AGO2: variants seen among roughly 807,000 people sequenced by gnomAD.
AGO2 encodes protein argonaute-2.
Under a neutral mutation model 102.3 loss-of-function variants are expected in AGO2, and 5 were observed. The observed-to-expected ratio is 0.05, with a 90% CI of 0.03 to 0.10. The LOEUF (loss-of-function observed/expected upper bound fraction) is 0.10. Among genes scored for constraint, AGO2 ranks in the 10% least tolerant of loss-of-function variants. The pLI is 1.00. For synonymous variants in AGO2, 449 were observed against 473.1 expected (o/e 0.95, Z 0.66); for missense variants, 541 against 1,183.7 (o/e 0.46, Z 7.97).
chr8:140,639,559 G>A (rs2074429368), upstream of AGO2, among the ~76,000 whole-genome samples: 1 of 151,476 alleles, frequency 6.6e-6, no homozygotes, highest in South Asian at 2.1e-4. Context: ...CAAGGTGAGA[G>A]GATTGCTTGA....
At chr8:140,597,859 G>A (rs2073870974) in intron 1 of AGO2, among the ~76,000 whole-genome samples, 1 of 152,186 alleles carries the variant, frequency 6.6e-6, no homozygotes, top group Non-Finnish European at 1.5e-5. Flanking sequence ...CTGCTGAAAC[G>A]CACACGCCTG....
At chr8:140,618,694 G>A (rs563313974) in intron 1 of AGO2, among the ~76,000 whole-genome samples, 33 of 151,638 alleles carry the variant, frequency 2.2e-4, no homozygotes, top group Admixed American at 3.9e-4. Flanking sequence ...CCAGGGTGGC[G>A]GGGTGCACCT....
At chr8:140,597,187 G>A (rs781489722) in intron 1 of AGO2, among the ~76,000 whole-genome samples, 2 of 152,208 alleles carry the variant, frequency 1.3e-5, no homozygotes, top group Non-Finnish European at 2.9e-5. Flanking sequence ...TGGCAGGGAC[G>A]TTCCCTCCCT....
At chr8:140,628,682 T>C (rs886086492) in intron 1 of AGO2, among the ~76,000 whole-genome samples, 1 of 151,802 alleles carries the variant, frequency 6.6e-6, no homozygotes, top group Non-Finnish European at 1.5e-5. Flanking sequence ...GGTGGGAGGT[T>C]TGAACCCGTG....
rs748914556 is a variant in AGO2, at chr8:140,572,803, C to T, written c.336+9G>A. On this transcript the variant is annotated intron_variant, in intron 3 of 18. Transcript: ENST00000220592. ...TGTTACTCCACCAAGGGCATCCCGG[C>T]GAGCTTACCTTGTCCCTCCCAATCG... 5.0e-6 allele frequency: 8 copies of T among 1,607,656 alleles called. No homozygotes were observed. The highest frequency in any genetic ancestry group is 1.3e-5 in the African/African-American group (1 of 74,574).
rs1306535658 is a variant in AGO2, at chr8:140,539,717, C to G, written c.2035-263G>C. Reference sequence around the variant, plus strand: ...CAGGAGGTTGTGTGTGTGCAAGGGGCGCAGCCAACGCCAGGGATGCAGGCT... The same window carrying G: ...CAGGAGGTTGTGTGTGTGCAAGGGGGGCAGCCAACGCCAGGGATGCAGGCT... On this transcript the variant is annotated intron_variant, in intron 15 of 18. Transcript: ENST00000220592. The surrounding 1 kb of genome is among the most constrained non-coding windows in gnomAD (Gnocchi z 4.7). Among the ~76,000 whole-genome samples, 1 of 152,304 alleles carries G rather than the reference C, an allele frequency of 6.6e-6. No individual in the cohort carries two copies. The highest frequency in any genetic ancestry group is 1.9e-4 in the East Asian group (1 of 5,184).
chr8:140,612,220 C>CAAA (rs542472147), intron 1 of AGO2, among the ~76,000 whole-genome samples: 6 of 95,978 alleles, frequency 6.3e-5, no homozygotes, highest in Admixed American at 2.2e-4. Context: ...GACTCTGTCT[C>CAAA]AAAAAAAAAA....
chr8:140,532,629 G>C lies in AGO2; in HGVS notation c.2272-14C>G. 1 of 1,613,316 alleles carries C rather than the reference G, an allele frequency of 6.2e-7. No homozygotes were observed. Among genetic ancestry groups the C allele is most frequent in the Non-Finnish European group, 8.5e-7 (1 of 1,179,346 alleles). On this transcript the variant is annotated splice_polypyrimidine_tract_variant and intron_variant, in intron 17 of 18. Coordinates refer to ENST00000220592, the MANE Select transcript of AGO2 (RefSeq NM_012154.5). ...CCTGCTTGTCCCCTAAAGCAGATCA[G>C]AAGATTAGACAGTTGGACTCGCATA...
upstream of AGO2, among the ~76,000 whole-genome samples, chr8:140,636,078 G>A (rs1338570845): frequency 1.3e-5 from 2 of 151,488 alleles, no homozygotes; most frequent in Non-Finnish European, 3.0e-5. Context: ...CCGGTGGGGG[G>A]CGCAGAACCC....
rs2074398114 is a variant in AGO2, at chr8:140,635,579, G to A, written c.-73C>T. Reference sequence around the variant, plus strand: ...GCCACGGGCCCCGACGCCGCGAGCCGCGAGGGAGCCGCCGGCCGCACGATC... The same window carrying A: ...GCCACGGGCCCCGACGCCGCGAGCCACGAGGGAGCCGCCGGCCGCACGATC... On this transcript the variant is annotated 5_prime_UTR_variant, in exon 1 of 19. Transcript: ENST00000220592. 1.1e-6 allele frequency: 1 copy of A among 950,866 alleles called. No individual in the cohort carries two copies. The highest frequency in any genetic ancestry group is 1.2e-6 in the Non-Finnish European group (1 of 801,460). 58.9% of individuals were successfully genotyped at this position (950,866 alleles called of 1,614,324 possible). A position where few individuals can be genotyped will look rare whatever the true frequency, so the allele number is the denominator to read the frequency against.
intron 2 of AGO2, among the ~76,000 whole-genome samples, chr8:140,573,402 C>T (rs1312619538): frequency 6.6e-6 from 1 of 151,998 alleles, no homozygotes; most frequent in South Asian, 2.1e-4. Context: ...TGGTCTCAAA[C>T]TCCCAACCTC....
intron 1 of AGO2, among the ~76,000 whole-genome samples, chr8:140,624,380 G>A (rs1011914416): frequency 2.6e-5 from 4 of 152,224 alleles, no homozygotes; most frequent in Admixed American, 6.5e-5. Context: ...GCCGGCGTGC[G>A]TGGCAGTGAC....
chr8:140,577,119 A>G lies in AGO2; in HGVS notation c.216-4187T>C, dbSNP rs555570321. Reference sequence around the variant, plus strand: ...GCTACTCGGGAGGCTGAGGCACGAGAATGGCGTGAACCCGGGAGGCGGAGC... The same window carrying G: ...GCTACTCGGGAGGCTGAGGCACGAGGATGGCGTGAACCCGGGAGGCGGAGC... On this transcript the variant is annotated intron_variant, in intron 2 of 18. Transcript: ENST00000220592. Among the ~76,000 whole-genome samples the G allele has an allele frequency of 4.7e-5, 7 of 150,162 alleles. No individual in the cohort carries two copies. In the South Asian group the frequency reaches 1.5e-3, roughly 32 times the overall value.
At chr8:140,610,619 T>C (rs2074063550) in intron 1 of AGO2, among the ~76,000 whole-genome samples, 1 of 152,186 alleles carries the variant, frequency 6.6e-6, no homozygotes, top group Non-Finnish European at 1.5e-5. Flanking sequence ...GCGGCCTATT[T>C]TCACCATGAG....
intron 4 of AGO2, among the ~76,000 whole-genome samples, chr8:140,561,520 C>T (rs1477795000): frequency 3.9e-4 from 59 of 152,252 alleles, no homozygotes. Context: ...GAGTGTTTCT[C>T]CACGTACCTA....
intron 1 of AGO2, among the ~76,000 whole-genome samples, chr8:140,613,481 G>C (rs1410048972): frequency 2.0e-5 from 3 of 152,060 alleles, no homozygotes; most frequent in African/African-American, 7.2e-5. Flanking sequence ...ATAAACAAAT[G>C]GTCTTCGGGG....
At chr8:140,555,827 G>A (rs2073084808) in intron 10 of AGO2, 69 bp downstream of exon 10, 1 of 1,552,778 alleles carries the variant, frequency 6.4e-7, no homozygotes, top group Non-Finnish European at 8.7e-7. Flanking sequence ...CGATAGCTCA[G>A]AACCTGAGAG....
In AGO2 at chr8:140,557,805, C is replaced by G. The variant is rs913462620; in HGVS notation, c.879-569G>C. ...AAAGGGCCACGTGGCTCAGTTTCTACTGCACAGACCCCTTCCCCCAATCCA... is the reference window on the plus strand; with the variant it reads ...AAAGGGCCACGTGGCTCAGTTTCTAGTGCACAGACCCCTTCCCCCAATCCA... On this transcript the variant is annotated intron_variant, in intron 7 of 18. Transcript: ENST00000220592. This position sits in a 1 kb window ranked among gnomAD's most constrained non-coding sequence, Gnocchi z 5.9. Among the ~76,000 whole-genome samples the G allele has an allele frequency of 2.6e-5, 4 of 152,186 alleles. No individual in the cohort carries two copies. The highest frequency in any genetic ancestry group is 7.2e-5 in the African/African-American group (3 of 41,442).
chr8:140,587,282 A>AAGAT (rs2073673890), intron 1 of AGO2, among the ~76,000 whole-genome samples: 1 of 152,268 alleles, frequency 6.6e-6, no homozygotes, highest in Non-Finnish European at 1.5e-5. Flanking sequence ...GCAATTTCCT[A>AAGAT]AGATAGTTCT....
Sources: gnomAD v4.1 joint callset for allele counts (sites outside exome capture counted in the v4.1 genomes callset) on GRCh38, gnomAD v4.1.1 for gene constraint, Gnocchi (gnomAD v3.1) non-coding constraint, MANE v1.5 for transcripts, NCBI Gene and HGNC (gene_info 2026-07-23, HGNC 2026-07-21) for gene names.